ALK: variants seen among roughly 807,000 people sequenced by gnomAD.
ALK encodes ALK receptor tyrosine kinase, also known as ALK tyrosine kinase receptor.
In ALK, 74 loss-of-function variants were observed where a neutral mutation model predicts 163.1. That is an observed-to-expected ratio of 0.45 (90% CI 0.38 to 0.55). The LOEUF (loss-of-function observed/expected upper bound fraction) is 0.55. Ranked by LOEUF, ALK falls within the 20% of genes least tolerant of loss-of-function variation. The probability of loss-of-function intolerance (pLI) is 0.00; values close to 1 mark genes in which losing one functional copy is unlikely to be tolerated. For synonymous variants in ALK, 960 were observed against 843.2 expected, an observed-to-expected ratio of 1.14 and a Z score of -2.40; for missense variants, 2,063 against 2,105.3, an observed-to-expected ratio of 0.98 and a Z score of 0.39.
At chr2:29,523,743 T>C (rs1358838718) in intron 4 of ALK, among the ~76,000 whole-genome samples, 2 of 151,872 alleles carry the variant, frequency 1.3e-5, no homozygotes, top group Non-Finnish European at 2.9e-5. Flanking sequence ...GTCCTGGTGT[T>C]CAATCCATCA....
intron 1 of ALK, among the ~76,000 whole-genome samples, chr2:29,787,794 G>T (rs1266227412): frequency 2.0e-5 from 3 of 151,782 alleles, no homozygotes; most frequent in African/African-American, 7.3e-5. Context: ...AAATGTGGGT[G>T]GGACCAAATG....
chr2:29,658,030 G>C (rs1165167634), intron 3 of ALK, among the ~76,000 whole-genome samples: 1 of 152,134 alleles, frequency 6.6e-6, no homozygotes, highest in African/African-American at 2.4e-5. Context: ...CATGTGTCCT[G>C]TTCCGGGAGG....
intron 3 of ALK, among the ~76,000 whole-genome samples, chr2:29,576,899 G>C (rs1304151100): frequency 6.6e-6 from 1 of 151,780 alleles, no homozygotes; most frequent in South Asian, 2.1e-4. Flanking sequence ...AGGAAAACAA[G>C]CTCAGGGCTT....
chr2:29,329,981 C>T (rs1378738397), intron 5 of ALK, among the ~76,000 whole-genome samples: 2 of 152,178 alleles, frequency 1.3e-5, no homozygotes, highest in African/African-American at 4.8e-5. Context: ...CCCTCTCCAT[C>T]TCACGGAAGG....
intron 1 of ALK, among the ~76,000 whole-genome samples, chr2:29,910,122 G>A (rs1043936408): frequency 6.6e-6 from 1 of 152,006 alleles, no homozygotes; most frequent in Non-Finnish European, 1.5e-5. Flanking sequence ...TAAAATAGCT[G>A]TTATACGTGT....
chr2:29,462,494 C>A (rs1394080099), intron 4 of ALK, among the ~76,000 whole-genome samples: 1 of 152,136 alleles, frequency 6.6e-6, no homozygotes, highest in Non-Finnish European at 1.5e-5. Context: ...GTCAGACCTG[C>A]CACGAGCTAA....
At chr2:29,439,433 A>C (rs1433988216) in intron 4 of ALK, among the ~76,000 whole-genome samples, 1 of 152,232 alleles carries the variant, frequency 6.6e-6, no homozygotes, top group Non-Finnish European at 1.5e-5. Flanking sequence ...TTAAATTAAC[A>C]CATCAATTCA....
At chr2:29,700,509 A>C (rs905940081) in intron 2 of ALK, among the ~76,000 whole-genome samples, 10 of 152,094 alleles carry the variant, frequency 6.6e-5, no homozygotes, top group African/African-American at 2.4e-4. Context: ...CCACCATTGC[A>C]CTCCAGCCTG....
intron 4 of ALK, among the ~76,000 whole-genome samples, chr2:29,406,190 T>C (rs764363756): frequency 4.9e-4 from 74 of 152,312 alleles, no homozygotes; most frequent in Non-Finnish European, 7.4e-4. Flanking sequence ...ACACCTATTG[T>C]TCCCCCAGGA....
At chr2:29,529,860 C>G (rs1023787478) in intron 4 of ALK, among the ~76,000 whole-genome samples, 4 of 152,148 alleles carry the variant, frequency 2.6e-5, no homozygotes, top group Admixed American at 2.6e-4. Context: ...CTCTCCTGCT[C>G]AACTCACACC....
intron 3 of ALK, among the ~76,000 whole-genome samples, chr2:29,684,410 T>A (rs1465466077): frequency 6.6e-6 from 1 of 152,258 alleles, no homozygotes; most frequent in East Asian, 1.9e-4. Flanking sequence ...CAGGGCTCCT[T>A]CCATTTCTAA....
intron 3 of ALK, among the ~76,000 whole-genome samples, chr2:29,665,944 C>T (rs1485780486): frequency 6.6e-6 from 1 of 152,080 alleles, no homozygotes; most frequent in Admixed American, 6.6e-5. Context: ...AACCCTTGAC[C>T]TGAAATTCCC....
chr2:29,606,199 C>T (rs1339309526), intron 3 of ALK, among the ~76,000 whole-genome samples: 1 of 152,182 alleles, frequency 6.6e-6, no homozygotes, highest in Non-Finnish European at 1.5e-5. Flanking sequence ...CTTCATTTCC[C>T]CTCCCCTGTC....
intron 1 of ALK, among the ~76,000 whole-genome samples, chr2:29,818,642 C>G (rs897043124): frequency 6.6e-6 from 1 of 152,250 alleles, no homozygotes; most frequent in African/African-American, 2.4e-5. Context: ...TCAAACTTTT[C>G]TGTCCACCGT....
intron 5 of ALK, among the ~76,000 whole-genome samples, chr2:29,380,187 C>A (rs1211427704): frequency 6.6e-6 from 1 of 151,446 alleles, no homozygotes; most frequent in Non-Finnish European, 1.5e-5. Context: ...CTTACTGTAA[C>A]CTCTGCCTCC....
At chr2:29,493,126 C>T (rs6547935) in intron 4 of ALK, among the ~76,000 whole-genome samples, 67,731 of 152,038 alleles carry the variant, frequency 0.45, 15,621 homozygotes, top group East Asian at 0.68. Context: ...AGTGGATTTA[C>T]ACTTACTTGA....
chr2:29,763,101 A>T (rs1680757689), intron 1 of ALK, among the ~76,000 whole-genome samples: 1 of 151,738 alleles, frequency 6.6e-6, no homozygotes, highest in Non-Finnish European at 1.5e-5. Context: ...AAAAAAAAAA[A>T]AAAAAAATAG....
At chr2:29,660,227 G>A (rs961015420) in intron 3 of ALK, among the ~76,000 whole-genome samples, 2 of 152,158 alleles carry the variant, frequency 1.3e-5, no homozygotes, top group Non-Finnish European at 2.9e-5. Flanking sequence ...CCACAGACAC[G>A]CTTCTTGACT....
chr2:29,676,831 T>G (rs1176138764), intron 3 of ALK, among the ~76,000 whole-genome samples: 4 of 151,740 alleles, frequency 2.6e-5, no homozygotes, highest in African/African-American at 9.7e-5. Context: ...CAATTTTTAA[T>G]GTATGCAGCT....
Sources: allele counts gnomAD v4.1 joint callset (sites outside exome capture counted in the v4.1 genomes callset), GRCh38; gene constraint gnomAD v4.1.1; transcripts MANE v1.5; gene names NCBI Gene and HGNC (gene_info 2026-07-23, HGNC 2026-07-21).